Variants in MAP2K2 observed in about 807,000 individuals in gnomAD.
MAP2K2 encodes the protein dual specificity mitogen-activated protein kinase kinase 2.
MAP2K2 carries 24 observed loss-of-function variants against 43.7 expected under a neutral mutation model. The ratio of observed to expected loss-of-function variants is 0.55; its 90% CI spans 0.40 to 0.77. The LOEUF (loss-of-function observed/expected upper bound fraction) is 0.77. Among genes scored for constraint, MAP2K2 ranks in the 30% least tolerant of loss-of-function variants. MAP2K2 has a pLI of 0.00. For missense variants in MAP2K2, 470 were observed against 566.8 expected (o/e 0.83, Z 1.73); for synonymous variants, 244 against 239.7 (o/e 1.02, Z -0.17).
Position 4,095,458 on chromosome 19 carries a change from G to T in MAP2K2, c.985-9C>A. On this transcript the variant is annotated splice_polypyrimidine_tract_variant and intron_variant, in intron 8 of 10. Transcript: ENST00000262948. ...GGCAGCTTAGGAGGTGGCTGTGGAG[G>T]AGAACAGAGGGTGGGGTCAGCCCTG... The T allele has an allele frequency of 6.4e-7, 1 of 1,551,070 alleles. No homozygotes were observed. Among genetic ancestry groups the T allele is most frequent in the South Asian group, 1.2e-5 (1 of 84,050 alleles).
In MAP2K2 at chr19:4,098,040, CCTT is replaced by C. The variant is rs1251697875; in HGVS notation, c.920-700_920-698del. 3.9e-5 allele frequency among the ~76,000 whole-genome samples: 6 copies of C among 152,318 alleles called. No homozygotes were observed. In the East Asian group the frequency reaches 1.2e-3, roughly 29 times the overall value. ...GGGCTTGCCAGTGCTATGAAAATCTCCTTCTCACAGCCCCAATCCATCCGGGTA... is the reference window on the plus strand; with the variant it reads ...GGGCTTGCCAGTGCTATGAAAATCTCCTCACAGCCCCAATCCATCCGGGTA... On this transcript the variant is annotated intron_variant, in intron 7 of 10. Coordinates refer to ENST00000262948, the MANE Select transcript of MAP2K2 (RefSeq NM_030662.4).
chr19:4,096,285 AG>A (rs1419521575), intron 8 of MAP2K2, among the ~76,000 whole-genome samples: 1 of 152,144 alleles, frequency 6.6e-6, no homozygotes, highest in Non-Finnish European at 1.5e-5. Flanking sequence ...CTGGGTCACC[AG>A]GGCCACCCCA....
intron 7 of MAP2K2, among the ~76,000 whole-genome samples, chr19:4,098,048 C>G (rs1433024707): frequency 6.6e-6 from 1 of 152,214 alleles, no homozygotes; most frequent in Non-Finnish European, 1.5e-5. Context: ...CTCCTTCTCA[C>G]AGCCCCAATC....
At chr19:4,102,517 C>T in intron 3 of MAP2K2, 64 bp from the exon 4 acceptor site, 1 of 1,242,862 alleles carries the variant, frequency 8.0e-7, no homozygotes, top group Non-Finnish European at 1.1e-6. Context: ...ACGGATGCGT[C>T]CCCCCACTCC....
At chr19:4,095,233 G>T (rs1241043765) in intron 9 of MAP2K2, 155 bp downstream of exon 9, 1 of 662,740 alleles carries the variant, frequency 1.5e-6, no homozygotes, top group East Asian at 2.8e-5. Context: ...CACAGCTCTG[G>T]GAAAAGGAAT....
chr19:4,090,783 C>A, intron 10 of MAP2K2, 75 bp from the exon 11 acceptor site: 1 of 988,062 alleles, frequency 1.0e-6, no homozygotes, highest in Non-Finnish European at 1.6e-6. Context: ...GTCTGCCCAG[C>A]CCTGGCAGAT....
intron 8 of MAP2K2, 68 bp from the exon 9 acceptor site, chr19:4,095,517 C>G: frequency 7.6e-7 from 1 of 1,323,218 alleles, no homozygotes; most frequent in Non-Finnish European, 1.1e-6. Flanking sequence ...GCAGCCCTCT[C>G]TACCCCTCAC....
At position 4,101,457 on chromosome 19, in the gene MAP2K2, C is replaced by G. The variant is rs1458517637; in HGVS notation, c.529-177G>C. 2.6e-5 allele frequency among the ~76,000 whole-genome samples: 4 copies of G among 152,174 alleles called. No individual in the cohort carries two copies. The highest frequency in any genetic ancestry group is 9.7e-5 in the African/African-American group (4 of 41,446). ...AAGCGAGGCCAGAGACGAGACAGTG[C>G]TGACAGCCCTGTGCTGGCGTGTGCA... On this transcript the variant is annotated intron_variant, in intron 4 of 10. Coordinates refer to ENST00000262948, the MANE Select transcript of MAP2K2 (RefSeq NM_030662.4). The surrounding 1 kb of genome is among the most constrained non-coding windows in gnomAD (Gnocchi z 6.3).
chr19:4,094,411 G>T, intron 10 of MAP2K2, 42 bp downstream of exon 10: 1 of 1,548,018 alleles, frequency 6.5e-7, no homozygotes, highest in East Asian at 2.4e-5. Context: ...CTGGGTGGCA[G>T]CCTGCACCCT....
At chr19:4,097,989 A>C (rs915169766) in intron 7 of MAP2K2, among the ~76,000 whole-genome samples, 4 of 152,210 alleles carry the variant, frequency 2.6e-5, no homozygotes, top group African/African-American at 7.2e-5. Flanking sequence ...AAGACATCCC[A>C]GCAGTCTGGC....
In MAP2K2 at chr19:4,099,274, G is replaced by C. The variant is rs11539506; in HGVS notation, c.846C>G (p.Pro282=). 1.2e-6 allele frequency: 2 copies of C among 1,605,778 alleles called. No individual in the cohort carries two copies. Among genetic ancestry groups the C allele is most frequent in the Non-Finnish European group, 1.7e-6 (2 of 1,176,632 alleles). Residue 282 remains proline (P), a synonymous_variant, in exon 7 of 11, where the codon CCC becomes CCG. Transcript: ENST00000262948. ...AKELEAIFGR[P]VVDGEEGEPH... The stretch of plus-strand genomic sequence containing the variant: ...GCTCTCCTTCTTCCCCGTCGACCAC[G>C]GGCCGGCCAAAGATGGCCTCCAGCT...
intron 2 of MAP2K2, among the ~76,000 whole-genome samples, chr19:4,111,863 G>T (rs959122099): frequency 3.9e-5 from 6 of 152,276 alleles, no homozygotes; most frequent in African/African-American, 1.4e-4. Flanking sequence ...TGAGGCAGGA[G>T]AATCACTTGA....
At chr19:4,110,768 C>A in intron 2 of MAP2K2, 113 bp from the exon 3 acceptor site, 3 of 1,146,900 alleles carry the variant, frequency 2.6e-6, no homozygotes, top group Admixed American at 2.3e-5. Context: ...CAACTCAGTA[C>A]CCCCTCCGCA....
chr19:4,094,573 C>A, intron 9 of MAP2K2, 75 bp from the exon 10 acceptor site: 1 of 1,444,302 alleles, frequency 6.9e-7, no homozygotes, highest in South Asian at 1.2e-5. Context: ...GGCCCCGGGG[C>A]ACCCGCGTGT....
chr19:4,111,130 G>A (rs1305763422), intron 2 of MAP2K2, among the ~76,000 whole-genome samples: 3 of 152,174 alleles, frequency 2.0e-5, no homozygotes, highest in Admixed American at 6.5e-5. Flanking sequence ...GCCGGGGGCT[G>A]GAGGAGGGGA....
chr19:4,095,483 G>A, intron 8 of MAP2K2, 34 bp from the exon 9 acceptor site: 2 of 1,538,896 alleles, frequency 1.3e-6, no homozygotes. Context: ...GGTCAGCCCT[G>A]GGCATCGTCA....
Position 4,123,876 on chromosome 19 carries a change from C to A in MAP2K2, c.-1G>T. 1 of 1,441,504 alleles carries A rather than the reference C, an allele frequency of 6.9e-7. No individual in the cohort carries two copies. Among genetic ancestry groups the A allele is most frequent in the Non-Finnish European group, 9.2e-7 (1 of 1,092,548 alleles). The allele number at this position is 1,441,504 out of a possible 1,614,324, so 89.3% of individuals were successfully genotyped here. A position where few individuals can be genotyped will look rare whatever the true frequency, so the allele number is the denominator to read the frequency against. On this transcript the variant is annotated 5_prime_UTR_variant, in exon 1 of 11. Transcript: ENST00000262948. ...GCACCGGCTTCCTCCGGGCCAGCAT[C>A]GGGGCTCCGCGGGCCGGCGGCGGCG...
In MAP2K2 at chr19:4,097,326, G is replaced by A. The variant is rs772831628; in HGVS notation, c.937C>T (p.Arg313Trp). 1.6e-5 allele frequency: 26 copies of A among 1,612,944 alleles called. No individual in the cohort carries two copies. Among genetic ancestry groups the A allele is most frequent in the East Asian group, 6.7e-5 (3 of 44,886 alleles). The change falls in exon 8 of 11, where the codon CGG (arginine) becomes TGG (tryptophan). Residue 313 changes from arginine to tryptophan, a missense_variant. Arg to Trp is a moderately radical substitution (Grantham distance 101). This residue lies in a region of MAP2K2 where 212 missense variants were observed against 220.8 expected (regional missense o/e 0.96). Coordinates refer to ENST00000262948, the MANE Select transcript of MAP2K2 (RefSeq NM_030662.4). ...AGTTCAAAGATGGCCATGGCAGGCCGGCTATCCATCCCGTGACCTGCACAG... is the reference window on the plus strand; with the variant it reads ...AGTTCAAAGATGGCCATGGCAGGCCAGCTATCCATCCCGTGACCTGCACAG... ...RPVSGHGMDS[R>W]PAMAIFELLD...
intron 6 of MAP2K2, 135 bp from the exon 7 acceptor site, chr19:4,099,549 C>T (rs1160874266): frequency 1.4e-6 from 1 of 732,286 alleles, no homozygotes. Flanking sequence ...AGCTGTTACG[C>T]AATTCTACCT....
Sources: gnomAD v4.1 joint callset for allele counts (sites outside exome capture counted in the v4.1 genomes callset) on GRCh38, gnomAD v4.1.1 for gene constraint, gnomAD v4.1.1 regional missense constraint, Gnocchi (gnomAD v3.1) non-coding constraint, MANE v1.5 for transcripts, NCBI Gene and HGNC (gene_info 2026-07-23, HGNC 2026-07-21) for gene names.